Variants in STXBP5L observed in about 807,000 individuals in gnomAD.
STXBP5L encodes the protein syntaxin binding protein 5L, also known as syntaxin-binding protein 5-like.
A neutral mutation model predicts 144.5 loss-of-function variants in STXBP5L; 65 were observed. The ratio of observed to expected loss-of-function variants is 0.45; its 90% CI spans 0.37 to 0.55. STXBP5L has a LOEUF of 0.55. Ranked by LOEUF, STXBP5L falls within the 20% of genes least tolerant of loss-of-function variation. The pLI, the probability that STXBP5L is intolerant of heterozygous loss-of-function variation, is 0.00. For missense variants in STXBP5L, 1,298 were observed against 1,405.5 expected (o/e 0.92, Z 1.22); for synonymous variants, 505 against 469.6 (o/e 1.08, Z -0.97).
chr3:120,959,630 T>G (rs147242708), intron 3 of STXBP5L, among the ~76,000 whole-genome samples: 22,745 of 152,082 alleles, frequency 0.15, 2,134 homozygotes, highest in East Asian at 0.49. Context: ...TTGACAAATC[T>G]GACAAAAACA....
At chr3:121,036,173 A>T (rs796180959) in intron 3 of STXBP5L, among the ~76,000 whole-genome samples, 5 of 152,154 alleles carry the variant, frequency 3.3e-5, no homozygotes, top group African/African-American at 9.6e-5. Context: ...TCTCTACTAA[A>T]ACTGCAAAGA....
chr3:120,962,407 T>C (rs934938406), intron 3 of STXBP5L, among the ~76,000 whole-genome samples: 8 of 152,240 alleles, frequency 5.3e-5, no homozygotes, highest in African/African-American at 9.6e-5. Flanking sequence ...TTTATGGTTT[T>C]AGGTCTCACA....
At chr3:120,921,442 T>G (rs1182220962) in intron 2 of STXBP5L, among the ~76,000 whole-genome samples, 2 of 152,082 alleles carry the variant, frequency 1.3e-5, no homozygotes, top group Non-Finnish European at 2.9e-5. Flanking sequence ...TTTACCTTGT[T>G]GATGGTTTCC....
intron 20 of STXBP5L, among the ~76,000 whole-genome samples, chr3:121,348,658 A>T (rs1477119096): frequency 6.6e-6 from 1 of 151,980 alleles, no homozygotes; most frequent in African/African-American, 2.4e-5. Flanking sequence ...CTATTCAGAG[A>T]TTCAACTTCT....
intron 25 of STXBP5L, among the ~76,000 whole-genome samples, chr3:121,416,732 T>G (rs2047248513): frequency 6.6e-6 from 1 of 151,946 alleles, no homozygotes; most frequent in South Asian, 2.1e-4. Context: ...CTTGGACTCC[T>G]GACCTCAGGT....
intron 3 of STXBP5L, among the ~76,000 whole-genome samples, chr3:120,976,458 G>A (rs977036434): frequency 2.6e-5 from 4 of 152,022 alleles, no homozygotes; most frequent in African/African-American, 9.7e-5. Context: ...AGTCTTGCTA[G>A]CAGTGTATCA....
At chr3:121,103,479 C>A (rs933761346) in intron 5 of STXBP5L, among the ~76,000 whole-genome samples, 1 of 151,990 alleles carries the variant, frequency 6.6e-6, no homozygotes, top group Non-Finnish European at 1.5e-5. Context: ...TACATCGGAG[C>A]TAAACATTGG....
chr3:121,152,367 A>T lies in STXBP5L; in HGVS notation c.670-110A>T, dbSNP rs879199874. ...TTCAAGTTCTAGAAAAATTTATTCT[A>T]AATAAGGATGTTATGTGGTATGATT... On this transcript the variant is annotated intron_variant, in intron 7 of 26. Coordinates refer to ENST00000471454, the MANE Select transcript of STXBP5L (RefSeq NM_001308330.2). 8 of 789,872 alleles carry T rather than the reference A, an allele frequency of 1.0e-5. No individual in the cohort carries two copies. In the South Asian group the frequency reaches 1.1e-4, roughly 11 times the overall value. 48.9% of individuals were successfully genotyped at this position (789,872 alleles called of 1,614,324 possible).
intron 10 of STXBP5L, among the ~76,000 whole-genome samples, chr3:121,222,157 A>C (rs1370361685): frequency 1.3e-5 from 2 of 152,082 alleles, no homozygotes; most frequent in Non-Finnish European, 2.9e-5. Flanking sequence ...CTTCTTGAAA[A>C]TATTTTTTGC....
intron 3 of STXBP5L, among the ~76,000 whole-genome samples, chr3:121,001,906 C>T (rs1035228250): frequency 7.9e-5 from 12 of 152,066 alleles, no homozygotes; most frequent in African/African-American, 2.4e-4. Context: ...TTTTCAAGGC[C>T]GAATAATATT....
At chr3:120,936,338 C>T (rs894557819) in intron 2 of STXBP5L, among the ~76,000 whole-genome samples, 2 of 152,150 alleles carry the variant, frequency 1.3e-5, no homozygotes, top group Non-Finnish European at 2.9e-5. Flanking sequence ...GTTTTTGACA[C>T]TTGCTGTCTC....
At chr3:121,172,671 T>C (rs184791782) in intron 9 of STXBP5L, among the ~76,000 whole-genome samples, 1 of 152,264 alleles carries the variant, frequency 6.6e-6, no homozygotes, top group Non-Finnish European at 1.5e-5. Context: ...CATTAAAAAG[T>C]CAGGAAACAA....
intron 3 of STXBP5L, among the ~76,000 whole-genome samples, chr3:121,017,894 G>T (rs938564308): frequency 6.6e-6 from 1 of 152,044 alleles, no homozygotes. Context: ...CCGGGGCAAT[G>T]TTGTGAGACC....
intron 17 of STXBP5L, among the ~76,000 whole-genome samples, chr3:121,257,622 T>C (rs1345929338): frequency 6.6e-6 from 1 of 152,172 alleles, no homozygotes; most frequent in Non-Finnish European, 1.5e-5. Context: ...TGCATGATAT[T>C]TCCAATTGAA....
At chr3:121,094,883 T>G (rs552208724) in intron 5 of STXBP5L, among the ~76,000 whole-genome samples, 178 of 152,282 alleles carry the variant, frequency 1.2e-3, no homozygotes, top group Non-Finnish European at 1.9e-3. Context: ...GTCTTTACAT[T>G]TTGGCATGAT....
chr3:121,191,558 G>A lies in STXBP5L; in HGVS notation c.878-14365G>A, dbSNP rs2047684794. Among the ~76,000 whole-genome samples, 4 of 151,370 alleles carry A rather than the reference G, an allele frequency of 2.6e-5. No individual in the cohort carries two copies. The South Asian group carries it at 8.3e-4, about 31-fold the overall frequency. ...GGGGAGAGGGAGAGGGAGAGGGAGA[G>A]GGATAGGGAGATAGTTTTTTTTTCC... On this transcript the variant is annotated intron_variant, in intron 9 of 26. Transcript: ENST00000471454.
At chr3:121,294,172 G>A (rs1262219576) in intron 19 of STXBP5L, among the ~76,000 whole-genome samples, 3 of 152,224 alleles carry the variant, frequency 2.0e-5, no homozygotes, top group Non-Finnish European at 2.9e-5. Flanking sequence ...ATTAGAAGGC[G>A]AGTATTGCAC....
intron 7 of STXBP5L, among the ~76,000 whole-genome samples, chr3:121,146,399 T>A (rs1314990963): frequency 2.0e-5 from 3 of 151,870 alleles, no homozygotes; most frequent in Non-Finnish European, 1.5e-5. Context: ...AGTGGAAAAT[T>A]AGGATAAGAA....
intron 3 of STXBP5L, among the ~76,000 whole-genome samples, chr3:120,985,608 A>G (rs1365953263): frequency 6.6e-6 from 1 of 151,884 alleles, no homozygotes; most frequent in Non-Finnish European, 1.5e-5. Context: ...TTATTGTTGT[A>G]GGTCTATTCA....
Sources: gnomAD v4.1 joint callset for allele counts (sites outside exome capture counted in the v4.1 genomes callset) on GRCh38, gnomAD v4.1.1 for gene constraint, MANE v1.5 for transcripts, NCBI Gene and HGNC (gene_info 2026-07-23, HGNC 2026-07-21) for gene names.